The following TMEM30B variants were observed in gnomAD, a reference collection of about 807,000 sequenced individuals.
The protein encoded by TMEM30B is cell division cycle 50 P4-ATPase accessory subunit B.
Under a neutral mutation model 27.9 loss-of-function variants are expected in TMEM30B, and 25 were observed. That is an observed-to-expected ratio of 0.89 (90% CI 0.65 to 1.25). The LOEUF (loss-of-function observed/expected upper bound fraction) is 1.25, where lower values mean the gene tolerates loss of function less well. Ranked by LOEUF, TMEM30B falls within the 50% of genes most tolerant of loss-of-function variation. The pLI is 0.00. For synonymous variants in TMEM30B, 248 were observed against 238.5 expected (o/e 1.04, Z -0.37); for missense variants, 536 against 506.5 (o/e 1.06, Z -0.56).
rs2045216608 is a variant in TMEM30B, at chr14:61,277,727, ATC to A, written c.*2363_*2364del. On this transcript the variant is annotated 3_prime_UTR_variant, in exon 1 of 1. Coordinates refer to ENST00000555868, the MANE Select transcript of TMEM30B (RefSeq NM_001017970.3). ...TAAATTCAAACAGTATTTGAGGACT[ATC>A]TAGTTTATATACATGTTGAGGTTGA... 6.6e-6 allele frequency: 1 copy of A among 152,256 alleles called. No homozygotes were observed. The highest frequency in any genetic ancestry group is 1.5e-5 in the Non-Finnish European group (1 of 68,048). The allele number at this position is 152,256 out of a possible 1,614,324, so 9.4% of individuals were successfully genotyped here.
In TMEM30B at chr14:61,280,131, GT is replaced by G; in HGVS notation, c.1016del (p.Tyr339SerfsTer47). On this transcript the variant is annotated frameshift_variant, in exon 1 of 1. Coordinates refer to ENST00000555868, the MANE Select transcript of TMEM30B (RefSeq NM_001017970.3). LOFTEE classifies it high-confidence loss of function. The surrounding 1 kb of genome is among the most constrained non-coding windows in gnomAD (Gnocchi z 5.0). ...CGTCGTCCTGGTCCTGGTAGCGAAT[GT>G]AGACGACCAGCATGACAAAGCCGGT... Reference protein sequence around the residue: ...ILTGFVMLVVYIRYQDQDDDD... With the variant: ...ILTGFVMLVVXIRYQDQDDDD... 6.2e-7 allele frequency: 1 copy of G among 1,613,856 alleles called. No individual in the cohort carries two copies.
chr14:61,280,616 G>A lies in TMEM30B; in HGVS notation c.532C>T (p.His178Tyr). 6.3e-7 allele frequency: 1 copy of A among 1,581,342 alleles called. No individual in the cohort carries two copies. The highest frequency in any genetic ancestry group is 1.1e-5 in the South Asian group (1 of 87,892). The change falls in exon 1 of 1, where the codon CAC becomes TAC. Residue 178 changes from histidine to tyrosine, a missense_variant. Physicochemically the swap from His to Tyr is moderately conservative, Grantham distance 83. Coordinates refer to ENST00000555868, the MANE Select transcript of TMEM30B (RefSeq NM_001017970.3). This position sits in a 1 kb window ranked among gnomAD's most constrained non-coding sequence, Gnocchi z 5.0. ...TAGGGCCCGCCGGGCTGGCGCTGGTGCCAAAGCGAGAAGGAGTCGTTGAAG... is the reference window on the plus strand; with the variant it reads ...TAGGGCCCGCCGGGCTGGCGCTGGTACCAAAGCGAGAAGGAGTCGTTGAAG... ...SLFNDSFSLW[H>Y]QRQPGGPYVE... is the part of the protein sequence containing the mutation.
Position 61,280,874 on chromosome 14 carries a change from A to G in TMEM30B, c.274T>C (p.Cys92Arg). ...AGQGRALPPP[C>R]SCAWYFSLPE... ...AGCGAGAAGTACCAGGCGCACGAGCAGGGGGGCGGCAGCGCCCGGCCCTGG... is the reference window on the plus strand; with the variant it reads ...AGCGAGAAGTACCAGGCGCACGAGCGGGGGGGCGGCAGCGCCCGGCCCTGG... Residue 92 changes from cysteine to arginine, a missense_variant, in exon 1 of 1, where the codon TGC (cysteine) becomes CGC (arginine). By Grantham distance (180) the Cys-to-Arg change is radical. Coordinates refer to ENST00000555868, the MANE Select transcript of TMEM30B (RefSeq NM_001017970.3). This position sits in a 1 kb window ranked among gnomAD's most constrained non-coding sequence, Gnocchi z 5.0. The G allele has an allele frequency of 1.3e-5, 20 of 1,564,960 alleles. No homozygotes were observed. Among genetic ancestry groups the G allele is most frequent in the Non-Finnish European group, 1.7e-5 (20 of 1,163,316 alleles).
chr14:61,280,530 G>A lies in TMEM30B; in HGVS notation c.618C>T (p.Phe206=). Residue 206 remains phenylalanine (F), a synonymous_variant, in exon 1 of 1, where the codon TTC becomes TTT. Transcript: ENST00000555868. This position sits in a 1 kb window ranked among gnomAD's most constrained non-coding sequence, Gnocchi z 5.0. ...TGCCGTTGACCAGCGGCGGGTTGCG[G>A]AACTTGACGTGGTAGTCGGTCCACC... The part of the protein sequence containing the change: ...IAWWTDYHVK[F]RNPPLVNGSL... 6.2e-7 allele frequency: 1 copy of A among 1,612,472 alleles called. No individual in the cohort carries two copies. Among genetic ancestry groups the A allele is most frequent in the Non-Finnish European group, 8.5e-7 (1 of 1,179,524 alleles).
chr14:61,280,488 G>A lies in TMEM30B; in HGVS notation c.660C>T (p.Phe220=). 1.2e-6 allele frequency: 2 copies of A among 1,613,102 alleles called. No individual in the cohort carries two copies. The highest frequency in any genetic ancestry group is 1.7e-6 in the Non-Finnish European group (2 of 1,179,636). ...AGTTGGGCGGGGGCGCCGTGCCCTG[G>A]AAGGCCAACGCCAGGCTGCCGTTGA... is the stretch of plus-strand genomic sequence containing the variant. ...PLVNGSLALA[F]QGTAPPPNWR... The change falls in exon 1 of 1, where the codon TTC becomes TTT. Residue 220 remains phenylalanine, a synonymous_variant. Coordinates refer to ENST00000555868, the MANE Select transcript of TMEM30B (RefSeq NM_001017970.3). This position sits in a 1 kb window ranked among gnomAD's most constrained non-coding sequence, Gnocchi z 5.0.
In TMEM30B at chr14:61,281,042, G is replaced by T; in HGVS notation, c.106C>A (p.Leu36Met). The T allele has an allele frequency of 6.5e-7, 1 of 1,529,126 alleles. No homozygotes were observed. The allele number at this position is 1,529,126 out of a possible 1,614,324, so 94.7% of individuals were successfully genotyped here. The change falls in exon 1 of 1, where the codon CTG becomes ATG. Residue 36 changes from leucine to methionine, a missense_variant. Leu to Met is a conservative substitution (Grantham distance 15). Coordinates refer to ENST00000555868, the MANE Select transcript of TMEM30B (RefSeq NM_001017970.3). The part of the protein sequence containing the change: ...WQPLLSASIA[L>M]PLFFCAGLAF... Reference sequence around the variant, plus strand: ...AGGCCCGCGCAGAAGAAGAGCGGCAGCGCGATGCTGGCCGACAGCAGCGGC... The same window carrying T: ...AGGCCCGCGCAGAAGAAGAGCGGCATCGCGATGCTGGCCGACAGCAGCGGC...
chr14:61,281,076 G>T lies in TMEM30B; in HGVS notation c.72C>A (p.Pro24=). ...DNTAFTQQRL[P]AWQPLLSASI... ...TGGCCGACAGCAGCGGCTGCCAGGC[G>T]GGGAGGCGCTGCTGAGTGAAGGCGG... Residue 24 remains proline (P), a synonymous_variant, in exon 1 of 1, where the codon CCC becomes CCA. Transcript: ENST00000555868. The T allele has an allele frequency of 6.6e-7, 1 of 1,517,574 alleles. No homozygotes were observed. The highest frequency in any genetic ancestry group is 8.8e-7 in the Non-Finnish European group (1 of 1,136,832). 94.0% of individuals were successfully genotyped at this position (1,517,574 alleles called of 1,614,324 possible).
In TMEM30B at chr14:61,280,650, G is replaced by A. The variant is rs1360143834; in HGVS notation, c.498C>T (p.Ala166=). 1.3e-6 allele frequency: 2 copies of A among 1,571,848 alleles called. No individual in the cohort carries two copies. The highest frequency in any genetic ancestry group is 1.7e-6 in the Non-Finnish European group (2 of 1,159,562). ...GLPIAPCGAI[A]NSLFNDSFSL... ...AGAAGGAGTCGTTGAAGAGGCTGTT[G>A]GCGATGGCGCCGCAGGGCGCGATGG... Residue 166 remains alanine (A), a synonymous_variant, in exon 1 of 1, where the codon GCC becomes GCT. Transcript: ENST00000555868. This position sits in a 1 kb window ranked among gnomAD's most constrained non-coding sequence, Gnocchi z 5.0.
In TMEM30B at chr14:61,278,487, T is replaced by C. The variant is rs1163677425; in HGVS notation, c.*1605A>G. 1.3e-5 allele frequency: 2 copies of C among 152,202 alleles called. No homozygotes were observed. Among genetic ancestry groups the C allele is most frequent in the Admixed American group, 1.3e-4 (2 of 15,276 alleles). 9.4% of individuals were successfully genotyped at this position (152,202 alleles called of 1,614,324 possible). Reference sequence around the variant, plus strand: ...GTAATTTTCAAAGACTAGAATAAACTATGTAAACTATTCAATACAATTCAA... The same window carrying C: ...GTAATTTTCAAAGACTAGAATAAACCATGTAAACTATTCAATACAATTCAA... On this transcript the variant is annotated 3_prime_UTR_variant, in exon 1 of 1. Coordinates refer to ENST00000555868, the MANE Select transcript of TMEM30B (RefSeq NM_001017970.3).
rs2045225872 is a variant in TMEM30B at position 61,278,696 on chromosome 14, G to C, written c.*1396C>G. 1 of 152,166 alleles carries C rather than the reference G, an allele frequency of 6.6e-6. No individual in the cohort carries two copies. The highest frequency in any genetic ancestry group is 1.9e-4 in the East Asian group (1 of 5,186). The allele number at this position is 152,166 out of a possible 1,614,324, so 9.4% of individuals were successfully genotyped here. ...ATCACAAAGGGTTTTAAGTTATTTTGCTATACAAGGTTTTTAAAAATAAAC... is the reference window on the plus strand; with the variant it reads ...ATCACAAAGGGTTTTAAGTTATTTTCCTATACAAGGTTTTTAAAAATAAAC... On this transcript the variant is annotated 3_prime_UTR_variant, in exon 1 of 1. Transcript: ENST00000555868.
At position 61,280,805 on chromosome 14, in the gene TMEM30B, T is replaced by A; in HGVS notation, c.343A>T (p.Thr115Ser). 6.4e-7 allele frequency: 1 copy of A among 1,561,622 alleles called. No homozygotes were observed. Among genetic ancestry groups the A allele is most frequent in the Non-Finnish European group, 8.6e-7 (1 of 1,162,842 alleles). Reference protein sequence around the residue: ...QGPVYLYYELTNFYQNNRRYG... With the variant: ...QGPVYLYYELSNFYQNNRRYG... ...CGCCGGTTGTTCTGGTAGAAGTTGG[T>A]CAGCTCGTAGTAGAGGTACACTGGG... is the stretch of plus-strand genomic sequence containing the variant. The change falls in exon 1 of 1, where the codon ACC (threonine) becomes TCC (serine). Residue 115 changes from threonine (T) to serine (S), a missense_variant. Thr to Ser is a moderately conservative substitution (Grantham distance 58, BLOSUM62 1). Transcript: ENST00000555868. This position sits in a 1 kb window ranked among gnomAD's most constrained non-coding sequence, Gnocchi z 5.0.
Position 61,280,309 on chromosome 14 carries a change from C to G in TMEM30B, c.839G>C (p.Arg280Pro), listed in dbSNP as rs2140092007. The change falls in exon 1 of 1, where the codon CGG (arginine) becomes CCG (proline). Residue 280 changes from arginine to proline, a missense_variant. Transcript: ENST00000555868. This position sits in a 1 kb window ranked among gnomAD's most constrained non-coding sequence, Gnocchi z 5.0. ...RQGNYSAGLP[R>P]GAYRVNITYN... ...GGTGATGTTGACGCGGTAGGCGCCC[C>G]GCGGCAGCCCGGCCGAGTAGTTGCC... The G allele has an allele frequency of 1.2e-6, 2 of 1,613,884 alleles. No homozygotes were observed. The highest frequency in any genetic ancestry group is 1.3e-5 in the African/African-American group (1 of 75,068).
Position 61,280,132 on chromosome 14 carries a change from T to G in TMEM30B, c.1016A>C (p.Tyr339Ser), listed in dbSNP as rs941010284. The G allele has an allele frequency of 1.9e-6, 3 of 1,613,838 alleles. No homozygotes were observed. Among genetic ancestry groups the G allele is most frequent in the Non-Finnish European group, 1.7e-6 (2 of 1,179,870 alleles). ...ILTGFVMLVV[Y>S]IRYQDQDDDD... is the part of the protein sequence containing the mutation. ...GTCGTCCTGGTCCTGGTAGCGAATGTAGACGACCAGCATGACAAAGCCGGT... is the reference window on the plus strand; with the variant it reads ...GTCGTCCTGGTCCTGGTAGCGAATGGAGACGACCAGCATGACAAAGCCGGT... The change falls in exon 1 of 1, where the codon TAC becomes TCC. Residue 339 changes from tyrosine to serine, a missense_variant. Physicochemically the swap from Tyr to Ser is moderately radical, Grantham distance 144. Coordinates refer to ENST00000555868, the MANE Select transcript of TMEM30B (RefSeq NM_001017970.3). This position sits in a 1 kb window ranked among gnomAD's most constrained non-coding sequence, Gnocchi z 5.0.
At position 61,280,734 on chromosome 14, in the gene TMEM30B, G is replaced by C. The variant is rs2045252789; in HGVS notation, c.414C>G (p.Ser138Arg). The C allele has an allele frequency of 6.4e-7, 1 of 1,574,596 alleles. No individual in the cohort carries two copies. The highest frequency in any genetic ancestry group is 8.6e-7 in the Non-Finnish European group (1 of 1,165,654). The change falls in exon 1 of 1, where the codon AGC becomes AGG. Residue 138 changes from serine (S) to arginine (R), a missense_variant. Coordinates refer to ENST00000555868, the MANE Select transcript of TMEM30B (RefSeq NM_001017970.3). This position sits in a 1 kb window ranked among gnomAD's most constrained non-coding sequence, Gnocchi z 5.0. ...RDDAQLSGLP[S>R]ALRHPVNECA... The stretch of plus-strand genomic sequence containing the variant: ...ACTCGTTGACAGGGTGGCGCAGCGC[G>C]CTGGGGAGTCCGCTCAGCTGCGCGT...
rs2140091656 is a variant in TMEM30B, at chr14:61,280,011, G to A, written c.*81C>T. ...GAAAAGCTAGGCGAGGTTGGAATTGGGTGACGGGCGAGGAGGAGATGCCAA... is the reference window on the plus strand; with the variant it reads ...GAAAAGCTAGGCGAGGTTGGAATTGAGTGACGGGCGAGGAGGAGATGCCAA... On this transcript the variant is annotated 3_prime_UTR_variant, in exon 1 of 1. Coordinates refer to ENST00000555868, the MANE Select transcript of TMEM30B (RefSeq NM_001017970.3). This position sits in a 1 kb window ranked among gnomAD's most constrained non-coding sequence, Gnocchi z 5.0. 8.0e-7 allele frequency: 1 copy of A among 1,245,374 alleles called. No individual in the cohort carries two copies. The highest frequency in any genetic ancestry group is 1.6e-5 in the South Asian group (1 of 64,356). The allele number at this position is 1,245,374 out of a possible 1,614,324, so 77.1% of individuals were successfully genotyped here.
In TMEM30B at chr14:61,280,105, T is replaced by G; in HGVS notation, c.1043A>C (p.Asp348Ala). 1 of 1,610,890 alleles carries G rather than the reference T, an allele frequency of 6.2e-7. No individual in the cohort carries two copies. Residue 348 changes from aspartate to alanine, a missense_variant, in exon 1 of 1, where the codon GAC becomes GCC. By Grantham distance (126) the Asp-to-Ala change is moderately radical. Coordinates refer to ENST00000555868, the MANE Select transcript of TMEM30B (RefSeq NM_001017970.3). The surrounding 1 kb of genome is among the most constrained non-coding windows in gnomAD (Gnocchi z 5.0). Reference protein sequence around the residue: ...VYIRYQDQDDDDEE With the variant: ...VYIRYQDQDDADEE Reference sequence around the variant, plus strand: ...GGAAAGCCGGAATCACTCCTCGTCGTCGTCGTCCTGGTCCTGGTAGCGAAT... The same window carrying G: ...GGAAAGCCGGAATCACTCCTCGTCGGCGTCGTCCTGGTCCTGGTAGCGAAT...
chr14:61,280,904 C>T lies in TMEM30B; in HGVS notation c.244G>A (p.Ala82Thr), dbSNP rs1484687694. ...GGCGGCAGCGCCCGGCCCTGGCCAG[C>T]CGCGGCGCACACCGAGCAGTTACCG... ...GTGNCSVCAAAGQGRALPPPC... is the reference protein window; with the variant it reads ...GTGNCSVCAATGQGRALPPPC... The change falls in exon 1 of 1, where the codon GCT (alanine) becomes ACT (threonine). Residue 82 changes from alanine to threonine, a missense_variant. By Grantham distance (58) the Ala-to-Thr change is moderately conservative (BLOSUM62 0). Coordinates refer to ENST00000555868, the MANE Select transcript of TMEM30B (RefSeq NM_001017970.3). The surrounding 1 kb of genome is among the most constrained non-coding windows in gnomAD (Gnocchi z 5.0). 1.3e-6 allele frequency: 2 copies of T among 1,546,076 alleles called. No individual in the cohort carries two copies. The highest frequency in any genetic ancestry group is 2.4e-5 in the East Asian group (1 of 42,236).
At position 61,280,818 on chromosome 14, in the gene TMEM30B, G is replaced by C; in HGVS notation, c.330C>G (p.Leu110=). 6.4e-7 allele frequency: 1 copy of C among 1,565,368 alleles called. No homozygotes were observed. Among genetic ancestry groups the C allele is most frequent in the Non-Finnish European group, 8.6e-7 (1 of 1,164,574 alleles). The part of the protein sequence containing the change: ...LPELFQGPVY[L]YYELTNFYQN... ...GGTAGAAGTTGGTCAGCTCGTAGTA[G>C]AGGTACACTGGGCCCTGGAAGAGCT... Residue 110 remains leucine (L), a synonymous_variant, in exon 1 of 1, where the codon CTC becomes CTG. Coordinates refer to ENST00000555868, the MANE Select transcript of TMEM30B (RefSeq NM_001017970.3). The surrounding 1 kb of genome is among the most constrained non-coding windows in gnomAD (Gnocchi z 5.0).
rs879385210 is a variant in TMEM30B at position 61,280,929 on chromosome 14, G to T, written c.219C>A (p.Thr73=). The part of the protein sequence containing the change: ...LEYDYTGDPG[T]GNCSVCAAAG... ...CCGCGGCGCACACCGAGCAGTTACCGGTGCCCGGGTCGCCTGTATAGTCGT... is the reference window on the plus strand; with the variant it reads ...CCGCGGCGCACACCGAGCAGTTACCTGTGCCCGGGTCGCCTGTATAGTCGT... Residue 73 remains threonine (T), a synonymous_variant, in exon 1 of 1, where the codon ACC becomes ACA. Coordinates refer to ENST00000555868, the MANE Select transcript of TMEM30B (RefSeq NM_001017970.3). This position sits in a 1 kb window ranked among gnomAD's most constrained non-coding sequence, Gnocchi z 5.0. The T allele has an allele frequency of 6.5e-7, 1 of 1,538,542 alleles. No individual in the cohort carries two copies. The highest frequency in any genetic ancestry group is 2.0e-5 in the Admixed American group (1 of 49,528).
Sources: gnomAD v4.1 joint callset for allele counts on GRCh38, gnomAD v4.1.1 for gene constraint, Gnocchi (gnomAD v3.1) non-coding constraint, MANE v1.5 for transcripts, NCBI Gene and HGNC (gene_info 2026-07-23, HGNC 2026-07-21) for gene names.